The following PRKG1 variants were observed in gnomAD, a reference collection of about 807,000 sequenced individuals.
The protein encoded by PRKG1 is cGMP-dependent protein kinase 1.
A neutral mutation model predicts 88.1 loss-of-function variants in PRKG1; 35 were observed. The ratio of observed to expected loss-of-function variants is 0.40; its 90% confidence interval spans 0.30 to 0.53. The LOEUF is 0.53. Ranked by LOEUF, PRKG1 falls within the 20% of genes least tolerant of loss-of-function variation. The probability of loss-of-function intolerance (pLI) is 0.59; values close to 1 mark genes in which losing one functional copy is unlikely to be tolerated. For synonymous variants in PRKG1, 303 were observed against 292.5 expected (o/e 1.04, Z -0.37); for missense variants, 540 against 839.8 (o/e 0.64, Z 4.41).
At chr10:51,924,475 T>C (rs1842529258) in intron 5 of PRKG1, among the ~76,000 whole-genome samples, 1 of 152,110 alleles carries the variant, frequency 6.6e-6, no homozygotes, top group Non-Finnish European at 1.5e-5. Context: ...ATTTTCTCGG[T>C]CTTTAATTTT....
chr10:52,095,378 A>G lies in PRKG1; in HGVS notation c.935+32747A>G, dbSNP rs1030406347. 4.6e-5 allele frequency among the ~76,000 whole-genome samples: 7 copies of G among 152,068 alleles called. No homozygotes were observed. In the South Asian group the frequency reaches 1.2e-3, roughly 27 times the overall value. On this transcript the variant is annotated intron_variant, in intron 7 of 17. Coordinates refer to ENST00000373980, the MANE Select transcript of PRKG1 (RefSeq NM_006258.4). ...CAGTGCCCTTATCCCTAATTATTTTATCCTGGTCTCTATATTGTTTCCATA... is the reference window on the plus strand; with the variant it reads ...CAGTGCCCTTATCCCTAATTATTTTGTCCTGGTCTCTATATTGTTTCCATA...
chr10:51,892,319 A>G lies in PRKG1; in HGVS notation c.699-15188A>G, dbSNP rs374572363. ...TAACTCAGAATTTTAAAATTTATTT[A>G]TGGAGCCCTTCTCTTGATGTGGAAT... On this transcript the variant is annotated intron_variant, in intron 4 of 17. Coordinates refer to ENST00000373980, the MANE Select transcript of PRKG1 (RefSeq NM_006258.4). Among the ~76,000 whole-genome samples, 534 of 152,328 alleles carry G rather than the reference A, an allele frequency of 3.5e-3. 2 individuals are homozygous for G. Among genetic ancestry groups the G allele is most frequent in the African/African-American group, 0.012 (484 of 41,582 alleles).
chr10:52,119,402 C>T (rs1847763720), intron 7 of PRKG1, among the ~76,000 whole-genome samples: 1 of 152,146 alleles, frequency 6.6e-6, no homozygotes, highest in Non-Finnish European at 1.5e-5. Context: ...ACACTCTCTC[C>T]TGACATGTTG....
intron 7 of PRKG1, among the ~76,000 whole-genome samples, chr10:52,078,738 G>A (rs35135891): frequency 0.037 from 5,575 of 152,308 alleles, 120 homozygotes; most frequent in Middle Eastern, 0.058. Context: ...GAGTCATTAC[G>A]AACTGGAATA....
chr10:51,517,604 T>C (rs1014617867), intron 3 of PRKG1, among the ~76,000 whole-genome samples: 1 of 152,254 alleles, frequency 6.6e-6, no homozygotes, highest in Non-Finnish European at 1.5e-5. Context: ...TTCGTGAACA[T>C]GCAAATCAGT....
chr10:51,549,873 A>G (rs146002630), intron 3 of PRKG1, among the ~76,000 whole-genome samples: 17 of 152,236 alleles, frequency 1.1e-4, no homozygotes, highest in Admixed American at 3.3e-4. Context: ...CTCTAAGAGA[A>G]GCTTTCCATA....
chr10:51,817,677 T>A (rs560609483), intron 4 of PRKG1, among the ~76,000 whole-genome samples: 1 of 152,294 alleles, frequency 6.6e-6, no homozygotes, highest in Admixed American at 6.5e-5. Flanking sequence ...GTTGTTATTT[T>A]TAATTTATGT....
intron 5 of PRKG1, among the ~76,000 whole-genome samples, chr10:51,998,011 CATT>C (rs1321068906): frequency 6.6e-6 from 1 of 152,076 alleles, no homozygotes; most frequent in African/African-American, 2.4e-5. Context: ...ACCATAAAAA[CATT>C]ATTTTTTATT....
At chr10:52,027,478 C>A (rs1319951761) in intron 5 of PRKG1, among the ~76,000 whole-genome samples, 1 of 152,266 alleles carries the variant, frequency 6.6e-6, no homozygotes, top group East Asian at 1.9e-4. Context: ...TACTTTTATA[C>A]ACAACACTTT....
chr10:51,815,575 G>A (rs1937716), intron 4 of PRKG1, among the ~76,000 whole-genome samples: 32,602 of 151,844 alleles, frequency 0.21, 5,617 homozygotes, highest in African/African-American at 0.48. Context: ...CAAAGAAAGC[G>A]TCTTAGTGTG....
intron 2 of PRKG1, among the ~76,000 whole-genome samples, chr10:51,308,342 A>G (rs1207255883): frequency 6.6e-6 from 1 of 152,166 alleles, no homozygotes; most frequent in African/African-American, 2.4e-5. Flanking sequence ...GATCATGCAC[A>G]AGCCATTTAA....
chr10:52,218,553 T>A (rs1030721168), intron 9 of PRKG1, among the ~76,000 whole-genome samples: 1 of 152,186 alleles, frequency 6.6e-6, no homozygotes, highest in African/African-American at 2.4e-5. Flanking sequence ...CAATACAAAA[T>A]TTTGGTTCAC....
At chr10:51,379,960 A>G (rs1837032021) in intron 2 of PRKG1, among the ~76,000 whole-genome samples, 1 of 152,210 alleles carries the variant, frequency 6.6e-6, no homozygotes, top group South Asian at 2.1e-4. Flanking sequence ...TACACAGACT[A>G]AAACTAATAT....
chr10:51,535,726 T>A (rs1296070164), intron 3 of PRKG1, among the ~76,000 whole-genome samples: 4 of 13,836 alleles, frequency 2.9e-4, no homozygotes, highest in African/African-American at 3.5e-4. Context: ...AAATCAATGA[T>A]TTTTTTTTTT....
chr10:52,064,148 C>T (rs773809030), intron 7 of PRKG1, among the ~76,000 whole-genome samples: 1 of 152,180 alleles, frequency 6.6e-6, no homozygotes, highest in Non-Finnish European at 1.5e-5. Context: ...TCATGACACC[C>T]AGGCTGTAGG....
At chr10:52,030,225 T>C (rs2133208113) in intron 5 of PRKG1, among the ~76,000 whole-genome samples, 1 of 152,324 alleles carries the variant, frequency 6.6e-6, no homozygotes, top group East Asian at 1.9e-4. Context: ...ACCATGCTAC[T>C]TCAGGCTTCA....
chr10:51,205,529 G>A (rs1838035747), intron 2 of PRKG1, among the ~76,000 whole-genome samples: 1 of 151,494 alleles, frequency 6.6e-6, no homozygotes, highest in Non-Finnish European at 1.5e-5. Flanking sequence ...TTGGGTAATA[G>A]GGCTTTTTTT....
intron 2 of PRKG1, among the ~76,000 whole-genome samples, chr10:51,246,584 C>T (rs1839296699): frequency 1.3e-5 from 2 of 148,780 alleles, no homozygotes; most frequent in South Asian, 4.3e-4. Flanking sequence ...GTTTCTAACC[C>T]CTGGCATTAA....
intron 2 of PRKG1, among the ~76,000 whole-genome samples, chr10:51,197,020 A>T (rs938251294): frequency 6.6e-6 from 1 of 152,040 alleles, no homozygotes; most frequent in Non-Finnish European, 1.5e-5. Flanking sequence ...ATTTACACTT[A>T]TGCCTTTTCC....
Sources: allele counts gnomAD v4.1 joint callset (sites outside exome capture counted in the v4.1 genomes callset), GRCh38; gene constraint gnomAD v4.1.1; transcripts MANE v1.5; gene names NCBI Gene and HGNC (gene_info 2026-07-23, HGNC 2026-07-21).